GRM8: variants seen among roughly 807,000 people sequenced by gnomAD.
GRM8 encodes the protein metabotropic glutamate receptor 8.
A neutral mutation model predicts 87.2 loss-of-function variants in GRM8; 47 were observed. The ratio of observed to expected loss-of-function variants is 0.54; its 90% confidence interval spans 0.43 to 0.69. The LOEUF (loss-of-function observed/expected upper bound fraction) is 0.69, where lower values mean the gene tolerates loss of function less well. Among genes scored for constraint, GRM8 ranks in the 30% least tolerant of loss-of-function variants. GRM8 has a pLI of 0.00. For synonymous variants in GRM8, 396 were observed against 404.5 expected, an observed-to-expected ratio of 0.98 and a Z score of 0.25; for missense variants, 1,019 against 1,139.2, an observed-to-expected ratio of 0.89 and a Z score of 1.52.
chr7:126,867,830 G>T lies in GRM8; in HGVS notation c.1156+34712C>A, dbSNP rs540037121. Among the ~76,000 whole-genome samples, 8 of 152,140 alleles carry T rather than the reference G, an allele frequency of 5.3e-5. No homozygotes were observed. In the South Asian group the frequency reaches 1.7e-3, roughly 31 times the overall value. On this transcript the variant is annotated intron_variant, in intron 6 of 10. Transcript: ENST00000339582. ...GTGCAGTGTTTGAACCAGGGCCAAG[G>T]TCTTAAGTGGGATTCAAGCAAAGTA...
chr7:126,839,326 C>T (rs1796066163), intron 6 of GRM8, among the ~76,000 whole-genome samples: 1 of 152,156 alleles, frequency 6.6e-6, no homozygotes, highest in African/African-American at 2.4e-5. Context: ...GCTCAAGTCC[C>T]TGATCTAATG....
chr7:127,093,864 C>A (rs1479802939), intron 3 of GRM8, among the ~76,000 whole-genome samples: 1 of 152,204 alleles, frequency 6.6e-6, no homozygotes, highest in East Asian at 1.9e-4. Flanking sequence ...ACATGCAGAT[C>A]CTAGAGGACA....
rs1799731499 is a variant in GRM8 at position 126,878,537 on chromosome 7, T to G, written c.1156+24005A>C. ...TCTTCTTCTTTTTTTTTTTTTTTTT[T>G]GAGACAGAGTCTTGCTCTGTCGCAC... On this transcript the variant is annotated intron_variant, in intron 6 of 10. Transcript: ENST00000339582. 2.7e-5 allele frequency among the ~76,000 whole-genome samples: 4 copies of G among 145,604 alleles called. No homozygotes were observed. The East Asian group carries it at 6.1e-4, about 22-fold the overall frequency.
intron 9 of GRM8, among the ~76,000 whole-genome samples, chr7:126,516,574 A>G (rs1007983649): frequency 6.6e-6 from 1 of 152,182 alleles, no homozygotes; most frequent in Admixed American, 6.6e-5. Context: ...GCAAGCATCT[A>G]TGATTTCCTG....
chr7:127,195,894 TCTTCC>T (rs891868385), intron 2 of GRM8, among the ~76,000 whole-genome samples: 2 of 152,154 alleles, frequency 1.3e-5, no homozygotes, highest in African/African-American at 4.8e-5. Flanking sequence ...TACATCTTTG[TCTTCC>T]CCGACACCCA....
Position 126,919,081 on chromosome 7 carries a change from T to TA in GRM8, c.728-14399dup, listed in dbSNP as rs572000714. ...CAAGTGAAAAGCAGCTTAGCTTGTT[T>TA]AAAAAAAAAAAGATCCTGGAATATA... On this transcript the variant is annotated intron_variant, in intron 3 of 10. Coordinates refer to ENST00000339582, the MANE Select transcript of GRM8 (RefSeq NM_000845.3). 4.6e-3 allele frequency among the ~76,000 whole-genome samples: 674 copies of TA among 147,428 alleles called. 3 individuals are homozygous for TA. Among genetic ancestry groups the TA allele is most frequent in the African/African-American group, 0.014 (549 of 40,406 alleles).
chr7:127,008,249 T>C (rs1164172804), intron 3 of GRM8, among the ~76,000 whole-genome samples: 1 of 152,058 alleles, frequency 6.6e-6, no homozygotes, highest in Non-Finnish European at 1.5e-5. Context: ...TTGAACACTA[T>C]CTTTTCAACA....
At chr7:127,250,311 G>A (rs1244450452) in intron 1 of GRM8, among the ~76,000 whole-genome samples, 5 of 152,306 alleles carry the variant, frequency 3.3e-5, no homozygotes, top group East Asian at 3.9e-4. Flanking sequence ...TATTCCTTTT[G>A]GATGTAGATG....
chr7:126,986,035 A>T (rs923377459), intron 3 of GRM8, among the ~76,000 whole-genome samples: 1 of 151,806 alleles, frequency 6.6e-6, no homozygotes, highest in Non-Finnish European at 1.5e-5. Flanking sequence ...TTTTTTAGAC[A>T]GGGTCTTGTT....
intron 9 of GRM8, among the ~76,000 whole-genome samples, chr7:126,453,428 AT>A (rs1399803168): frequency 6.6e-6 from 1 of 151,776 alleles, no homozygotes. Context: ...CGAATAAAGA[AT>A]TGTGAAGGAA....
intron 9 of GRM8, among the ~76,000 whole-genome samples, chr7:126,491,396 C>T (rs1160457092): frequency 6.6e-6 from 1 of 151,998 alleles, no homozygotes; most frequent in Non-Finnish European, 1.5e-5. Flanking sequence ...CAGGGAACTA[C>T]AATGAAATGG....
chr7:127,026,627 T>G (rs1816806629), intron 3 of GRM8, among the ~76,000 whole-genome samples: 1 of 152,204 alleles, frequency 6.6e-6, no homozygotes, highest in Non-Finnish European at 1.5e-5. Flanking sequence ...TCATGTGTTT[T>G]TTGGCTGCAT....
intron 7 of GRM8, among the ~76,000 whole-genome samples, chr7:126,673,123 T>G (rs1221861346): frequency 6.6e-6 from 1 of 152,152 alleles, no homozygotes; most frequent in Non-Finnish European, 1.5e-5. Context: ...GGTCCTCCTC[T>G]TCCTATGTGG....
chr7:126,471,428 C>T (rs1484326916), intron 9 of GRM8, among the ~76,000 whole-genome samples: 2 of 152,042 alleles, frequency 1.3e-5, no homozygotes, highest in Non-Finnish European at 2.9e-5. Flanking sequence ...GTTTTCCCAG[C>T]ACCATTTATT....
intron 3 of GRM8, among the ~76,000 whole-genome samples, chr7:126,962,598 C>T (rs942608993): frequency 2.0e-5 from 3 of 152,104 alleles, no homozygotes; most frequent in Non-Finnish European, 4.4e-5. Flanking sequence ...ATATAATGCA[C>T]CTTAATTGAT....
At chr7:126,523,106 A>G (rs1209366630) in intron 9 of GRM8, among the ~76,000 whole-genome samples, 1 of 152,210 alleles carries the variant, frequency 6.6e-6, no homozygotes, top group Non-Finnish European at 1.5e-5. Context: ...GATTTTTGTC[A>G]ACCAAAGATT....
chr7:126,937,711 C>T (rs116346129), intron 3 of GRM8, among the ~76,000 whole-genome samples: 210 of 152,346 alleles, frequency 1.4e-3, no homozygotes, highest in African/African-American at 4.8e-3. Flanking sequence ...CTAGATTATG[C>T]TGTTTGCCTC....
chr7:126,709,989 T>C (rs976238018), intron 7 of GRM8, among the ~76,000 whole-genome samples: 1 of 152,192 alleles, frequency 6.6e-6, no homozygotes, highest in Non-Finnish European at 1.5e-5. Flanking sequence ...CAGTTCCAAA[T>C]CACCACAATA....
intron 7 of GRM8, among the ~76,000 whole-genome samples, chr7:126,697,042 TA>T (rs955397142): frequency 5.1e-4 from 73 of 142,636 alleles, no homozygotes; most frequent in Admixed American, 7.8e-4. Context: ...GTTCAGCCTT[TA>T]AAAAAAAAAA....
Sources: allele counts gnomAD v4.1 joint callset (sites outside exome capture counted in the v4.1 genomes callset), GRCh38; gene constraint gnomAD v4.1.1; transcripts MANE v1.5; gene names NCBI Gene and HGNC (gene_info 2026-07-23, HGNC 2026-07-21).